PRKAA1: variants seen among roughly 807,000 people sequenced by gnomAD.
PRKAA1 encodes protein kinase AMP-activated catalytic subunit alpha 1.
A neutral mutation model predicts 56.9 loss-of-function variants in PRKAA1; 23 were observed. The observed-to-expected ratio is 0.40, with a 90% CI of 0.29 to 0.57. The LOEUF (loss-of-function observed/expected upper bound fraction) is 0.57. Among genes scored for constraint, PRKAA1 ranks in the 20% least tolerant of loss-of-function variants. The pLI is 0.39. For synonymous variants in PRKAA1, 226 were observed against 227.0 expected (o/e 1.00, Z 0.04); for missense variants, 413 against 679.7 (o/e 0.61, Z 4.36).
rs1743203001 is a variant in PRKAA1 at position 40,761,864 on chromosome 5, A to C, written c.*914T>G. Reference sequence around the variant, plus strand: ...GTGGGAATATTTTAAGACTAAAATTAGTGCTAGAGTATCTGAATATATAAA... The same window carrying C: ...GTGGGAATATTTTAAGACTAAAATTCGTGCTAGAGTATCTGAATATATAAA... On this transcript the variant is annotated 3_prime_UTR_variant, in exon 9 of 9. Transcript: ENST00000397128. 1 of 152,328 alleles carries C rather than the reference A, an allele frequency of 6.6e-6. No individual in the cohort carries two copies. Among genetic ancestry groups the C allele is most frequent in the African/African-American group, 2.4e-5 (1 of 41,464 alleles). The allele number at this position is 152,328 out of a possible 1,614,324, so 9.4% of individuals were successfully genotyped here.
At chr5:40,770,882 C>T (rs578042533) in intron 4 of PRKAA1, among the ~76,000 whole-genome samples, 37 of 151,900 alleles carry the variant, frequency 2.4e-4, no homozygotes, top group African/African-American at 5.8e-4. Context: ...TAAGCCACCA[C>T]GCCCAGCCAA....
At chr5:40,785,875 G>A (rs1175820056) in intron 1 of PRKAA1, among the ~76,000 whole-genome samples, 1 of 149,732 alleles carries the variant, frequency 6.7e-6, no homozygotes, top group African/African-American at 2.5e-5. Context: ...GAGAGAGAGA[G>A]AGAGCAAGCG....
At chr5:40,789,001 A>G (rs1051187337) in intron 1 of PRKAA1, among the ~76,000 whole-genome samples, 13 of 152,150 alleles carry the variant, frequency 8.5e-5, no homozygotes, top group Admixed American at 3.3e-4. Flanking sequence ...ACTTGAGCCC[A>G]AGAATACAAG....
At chr5:40,767,712 G>T (rs746868890) in intron 5 of PRKAA1, 22 bp from the exon 6 acceptor site, 1 of 1,529,240 alleles carries the variant, frequency 6.5e-7, no homozygotes, top group South Asian at 1.2e-5. Flanking sequence ...AATAACAATT[G>T]GATTAAAGAA....
intron 5 of PRKAA1, chr5:40,768,583 C>A (rs563440936): frequency 4.8e-5 from 50 of 1,032,330 alleles, no homozygotes; most frequent in Non-Finnish European, 5.5e-5. Flanking sequence ...TCCTGCCTTA[C>A]TCACAGCCAT....
intron 1 of PRKAA1, among the ~76,000 whole-genome samples, chr5:40,793,210 AATG>A (rs1352147691): frequency 1.3e-5 from 2 of 152,238 alleles, no homozygotes; most frequent in South Asian, 2.1e-4. Flanking sequence ...CTGCCATTTT[AATG>A]ATATTACTCT....
At chr5:40,763,061 C>T (rs767170523) in intron 8 of PRKAA1, 39 bp from the exon 9 acceptor site, 3 of 1,596,424 alleles carry the variant, frequency 1.9e-6, no homozygotes, top group South Asian at 2.2e-5. Context: ...AGTCTATGAC[C>T]TTCTCCCAAA....
At chr5:40,774,870 G>A (rs1053560475) in intron 3 of PRKAA1, 2 of 1,385,836 alleles carry the variant, frequency 1.4e-6, no homozygotes, top group Non-Finnish European at 2.0e-6. Flanking sequence ...TTAAGGTAGT[G>A]TTCAAAATGT....
intron 1 of PRKAA1, among the ~76,000 whole-genome samples, chr5:40,788,717 C>T (rs1292124761): frequency 6.6e-6 from 1 of 152,092 alleles, no homozygotes; most frequent in African/African-American, 2.4e-5. Context: ...GTCCCAGCTA[C>T]TCATGAGGCT....
chr5:40,794,252 A>C (rs1301008276), intron 1 of PRKAA1, among the ~76,000 whole-genome samples: 1 of 152,180 alleles, frequency 6.6e-6, no homozygotes, highest in Non-Finnish European at 1.5e-5. Flanking sequence ...AGGGATGCTG[A>C]GCATTTTTTC....
chr5:40,777,424 T>A (rs1351315016), intron 2 of PRKAA1, 21 bp downstream of exon 2: 2 of 1,566,556 alleles, frequency 1.3e-6, no homozygotes, highest in Admixed American at 1.8e-5. Context: ...CTGGACTATA[T>A]TTAATATAAA....
At chr5:40,769,545 G>T in intron 4 of PRKAA1, 42 bp from the exon 5 acceptor site, 2 of 1,436,728 alleles carry the variant, frequency 1.4e-6, no homozygotes, top group South Asian at 1.2e-5. Context: ...ATTTCCCAAA[G>T]ACAAAAATTA....
At chr5:40,795,943 A>T (rs3805486) in intron 1 of PRKAA1, among the ~76,000 whole-genome samples, 1 of 152,288 alleles carries the variant, frequency 6.6e-6, no homozygotes, top group East Asian at 1.9e-4. Flanking sequence ...TGTCACAGCC[A>T]TATCACAGAT....
At chr5:40,796,822 C>T (rs1381928514) in intron 1 of PRKAA1, among the ~76,000 whole-genome samples, 1 of 152,184 alleles carries the variant, frequency 6.6e-6, no homozygotes, top group Non-Finnish European at 1.5e-5. Flanking sequence ...ACCGTACAGA[C>T]TTTGGCAAAC....
At chr5:40,781,046 T>C (rs1744247440) in intron 1 of PRKAA1, among the ~76,000 whole-genome samples, 1 of 152,178 alleles carries the variant, frequency 6.6e-6, no homozygotes, top group Admixed American at 6.5e-5. Context: ...CCTAATATGA[T>C]GCAAGTAAAA....
intron 1 of PRKAA1, among the ~76,000 whole-genome samples, chr5:40,783,470 T>G (rs931364839): frequency 6.6e-6 from 1 of 152,106 alleles, no homozygotes; most frequent in South Asian, 2.1e-4. Flanking sequence ...AGAAAAAAAA[T>G]TTCCAAGGCC....
Position 40,761,993 on chromosome 5 carries a change from G to T in PRKAA1, c.*785C>A, listed in dbSNP as rs2111967541. 1 of 152,354 alleles carries T rather than the reference G, an allele frequency of 6.6e-6. No individual in the cohort carries two copies. Among genetic ancestry groups the T allele is most frequent in the Non-Finnish European group, 1.5e-5 (1 of 68,046 alleles). 9.4% of individuals were successfully genotyped at this position (152,354 alleles called of 1,614,324 possible). The stretch of plus-strand genomic sequence containing the variant: ...AGAATTTTAAAAGGGGGATATGGAG[G>T]CCGGGTGCGGTGGCTCACGCCTGTA... On this transcript the variant is annotated 3_prime_UTR_variant, in exon 9 of 9. Coordinates refer to ENST00000397128, the MANE Select transcript of PRKAA1 (RefSeq NM_006251.6).
chr5:40,797,968 G>A (rs866603121), intron 1 of PRKAA1, 95 bp downstream of exon 1: 4 of 1,526,664 alleles, frequency 2.6e-6, no homozygotes, highest in South Asian at 1.1e-5. Flanking sequence ...CTGGAAAGAA[G>A]GGACGCAGCG....
chr5:40,780,299 T>G (rs770947014), intron 1 of PRKAA1, among the ~76,000 whole-genome samples: 4 of 152,118 alleles, frequency 2.6e-5, no homozygotes, highest in Non-Finnish European at 5.9e-5. Context: ...TATCACAGCC[T>G]TTTTGCAAGG....
Sources: gnomAD v4.1 joint callset for allele counts (sites outside exome capture counted in the v4.1 genomes callset) on GRCh38, gnomAD v4.1.1 for gene constraint, MANE v1.5 for transcripts, NCBI Gene and HGNC (gene_info 2026-07-23, HGNC 2026-07-21) for gene names.